The following SLC28A3 variants were observed in gnomAD, a reference collection of about 807,000 sequenced individuals.
SLC28A3 encodes solute carrier family 28 member 3.
In SLC28A3, 68 loss-of-function variants were observed where a neutral mutation model predicts 84.2. The ratio of observed to expected loss-of-function variants is 0.81; its 90% CI spans 0.66 to 0.99. SLC28A3 has a LOEUF of 0.99. Ranked by LOEUF, SLC28A3 falls within the 50% of genes least tolerant of loss-of-function variation. The pLI, the probability that SLC28A3 is intolerant of heterozygous loss-of-function variation, is 0.00. For synonymous variants in SLC28A3, 267 were observed against 303.6 expected (o/e 0.88, Z 1.25); for missense variants, 712 against 841.5 (o/e 0.85, Z 1.90).
At chr9:84,292,545 G>C (rs557104636) in intron 10 of SLC28A3, 123 bp downstream of exon 10, 4 of 674,964 alleles carry the variant, frequency 5.9e-6, no homozygotes, top group South Asian at 4.2e-5. Context: ...AATACTGGGG[G>C]TTTCTTATTT....
At chr9:84,311,957 G>A (rs781766670) in intron 2 of SLC28A3, among the ~76,000 whole-genome samples, 8 of 152,236 alleles carry the variant, frequency 5.3e-5, no homozygotes, top group Admixed American at 2.0e-4. Context: ...CCAGAATGTC[G>A]TATAGTTGGG....
chr9:84,340,749 G>C lies in SLC28A3; in HGVS notation c.-116C>G. ...TGTTACAGGGACCTGGGCACAGCTT[G>C]CTTCAGTTTGGAAACTTCTGCAATA... is the stretch of plus-strand genomic sequence containing the variant. On this transcript the variant is annotated 5_prime_UTR_variant, in exon 1 of 18. Coordinates refer to ENST00000376238, the MANE Select transcript of SLC28A3 (RefSeq NM_001199633.2). 1 of 1,192,950 alleles carries C rather than the reference G, an allele frequency of 8.4e-7. No individual in the cohort carries two copies. The highest frequency in any genetic ancestry group is 2.4e-5 in the East Asian group (1 of 42,522). 73.9% of individuals were successfully genotyped at this position (1,192,950 alleles called of 1,614,324 possible). A position where few individuals can be genotyped will look rare whatever the true frequency, so the allele number is the denominator to read the frequency against.
intron 6 of SLC28A3, 144 bp from the exon 7 acceptor site, chr9:84,298,163 A>G (rs559697647): frequency 1.6e-4 from 112 of 682,632 alleles, no homozygotes; most frequent in Admixed American, 9.7e-4. Flanking sequence ...CAGCTGTCAT[A>G]AGCAGAGAAC....
Position 84,297,276 on chromosome 9 carries a change from G to A in SLC28A3, c.806C>T (p.Ala269Val), listed in dbSNP as rs201288231. ...QVQTFLEYTD[A>V]GASFVFGEKY... ...CTCACCAAAGACAAATGAAGCACCA[G>A]CATCTGTGTACTCCAGAAAAGTCTG... Residue 269 changes from alanine to valine, a missense_variant, in exon 8 of 18, where the codon GCT (alanine) becomes GTT (valine). Physicochemically the swap from Ala to Val is moderately conservative, Grantham distance 64. Transcript: ENST00000376238. 1 of 1,613,276 alleles carries A rather than the reference G, an allele frequency of 6.2e-7. No individual in the cohort carries two copies. Among genetic ancestry groups the A allele is most frequent in the Non-Finnish European group, 8.5e-7 (1 of 1,179,750 alleles).
chr9:84,348,366 A>T, the SLC28A3 span, among the ~76,000 whole-genome samples: 1 of 152,050 alleles, frequency 6.6e-6, no homozygotes, highest in Non-Finnish European at 1.5e-5. Flanking sequence ...AAAAAAAAAA[A>T]AAAAAATGCA....
At chr9:84,284,137 C>T (rs761429849) in intron 14 of SLC28A3, among the ~76,000 whole-genome samples, 2 of 152,230 alleles carry the variant, frequency 1.3e-5, no homozygotes, top group Non-Finnish European at 2.9e-5. Context: ...AAACGATTCT[C>T]TCCTGGCAAC....
intron 12 of SLC28A3, among the ~76,000 whole-genome samples, chr9:84,286,318 G>T (rs946857206): frequency 6.6e-6 from 1 of 152,026 alleles, no homozygotes; most frequent in Non-Finnish European, 1.5e-5. Flanking sequence ...AAAGAGATAG[G>T]GTCTTGTTCT....
At chr9:84,363,939 T>A in the SLC28A3 span, among the ~76,000 whole-genome samples, 12 of 152,084 alleles carry the variant, frequency 7.9e-5, no homozygotes, top group Non-Finnish European at 1.3e-4. Flanking sequence ...AATTATCTTT[T>A]TTCATAGATT....
intron 9 of SLC28A3, among the ~76,000 whole-genome samples, chr9:84,293,980 C>T (rs975076149): frequency 6.6e-6 from 1 of 152,186 alleles, no homozygotes; most frequent in Admixed American, 6.5e-5. Context: ...CAGTGCTTTG[C>T]AAATCAAAAC....
intron 2 of SLC28A3, 145 bp from the exon 3 acceptor site, chr9:84,309,859 T>C (rs1825932807): frequency 3.2e-6 from 2 of 624,304 alleles, no homozygotes; most frequent in Admixed American, 3.1e-5. Flanking sequence ...TATTATCTAC[T>C]GCACAGACAT....
intron 14 of SLC28A3, among the ~76,000 whole-genome samples, chr9:84,284,723 C>T (rs886321965): frequency 9.9e-5 from 15 of 152,200 alleles, no homozygotes; most frequent in African/African-American, 3.6e-4. Context: ...ATGTGAATGC[C>T]TCCTTGCAAG....
the SLC28A3 span, among the ~76,000 whole-genome samples, chr9:84,356,538 T>G: frequency 6.6e-6 from 1 of 152,110 alleles, no homozygotes; most frequent in African/African-American, 2.4e-5. Flanking sequence ...TTTCTTAAAT[T>G]TACCTAAATG....
intron 3 of SLC28A3, among the ~76,000 whole-genome samples, chr9:84,308,018 T>C (rs752839501): frequency 6.6e-6 from 1 of 152,146 alleles, no homozygotes; most frequent in Non-Finnish European, 1.5e-5. Context: ...GTTTCTGATA[T>C]GGTAAATATT....
At chr9:84,342,370 A>G (rs79660379), upstream of SLC28A3, among the ~76,000 whole-genome samples, 1,937 of 152,142 alleles carry the variant, frequency 0.013, 24 homozygotes, top group Non-Finnish European at 0.021. Flanking sequence ...TGAGATTGCA[A>G]CTTGGGAGCA....
chr9:84,292,255 G>C (rs1171794821), intron 10 of SLC28A3, among the ~76,000 whole-genome samples: 1 of 152,156 alleles, frequency 6.6e-6, no homozygotes, highest in Non-Finnish European at 1.5e-5. Flanking sequence ...CATTCAAGTG[G>C]AAGAGCTACC....
At chr9:84,294,409 A>T (rs1564152972) in intron 8 of SLC28A3, 134 bp from the exon 9 acceptor site, 1 of 776,978 alleles carries the variant, frequency 1.3e-6, no homozygotes, top group Non-Finnish European at 2.1e-6. Context: ...CTTGAACTTT[A>T]ATCAGGCAGC....
At chr9:84,318,184 C>T (rs760362280) in intron 1 of SLC28A3, among the ~76,000 whole-genome samples, 34 of 152,172 alleles carry the variant, frequency 2.2e-4, no homozygotes, top group Non-Finnish European at 3.8e-4. Context: ...CTAGCTAGAC[C>T]ATTCCCCAGA....
At chr9:84,279,873 C>A in intron 16 of SLC28A3, 102 bp downstream of exon 16, 1 of 1,110,606 alleles carries the variant, frequency 9.0e-7, no homozygotes. Flanking sequence ...TCTCAGCTTT[C>A]TGTGGCAGCG....
intron 14 of SLC28A3, among the ~76,000 whole-genome samples, chr9:84,284,386 G>C (rs1304483922): frequency 6.6e-6 from 1 of 152,170 alleles, no homozygotes; most frequent in Non-Finnish European, 1.5e-5. Context: ...CCCAGGAGTG[G>C]GCTGTTATAT....
Sources: gnomAD v4.1 joint callset for allele counts (sites outside exome capture counted in the v4.1 genomes callset) on GRCh38, gnomAD v4.1.1 for gene constraint, MANE v1.5 for transcripts, NCBI Gene and HGNC (gene_info 2026-07-23, HGNC 2026-07-21) for gene names.